The following KCNK13 variants were observed in gnomAD, a reference collection of about 807,000 sequenced individuals.
The protein encoded by KCNK13 is potassium two pore domain channel subfamily K member 13.
KCNK13 carries 12 observed loss-of-function variants against 23.4 expected under a neutral mutation model. The observed-to-expected ratio is 0.51, with a 90% confidence interval of 0.33 to 0.83. The LOEUF (loss-of-function observed/expected upper bound fraction) is 0.83. Among genes scored for constraint, KCNK13 ranks in the 40% least tolerant of loss-of-function variants. The pLI is 0.02. For missense variants in KCNK13, 463 were observed against 556.3 expected (o/e 0.83, Z 1.69); for synonymous variants, 231 against 229.5 (o/e 1.01, Z -0.06).
intron 1 of KCNK13, among the ~76,000 whole-genome samples, chr14:90,134,106 T>C (rs1450073365): frequency 6.6e-6 from 1 of 152,158 alleles, no homozygotes; most frequent in African/African-American, 2.4e-5. Context: ...TGGTCCCAGT[T>C]ACTCGGGAGG....
intron 1 of KCNK13, among the ~76,000 whole-genome samples, chr14:90,156,604 A>G (rs1890198080): frequency 1.3e-5 from 2 of 152,162 alleles, no homozygotes; most frequent in African/African-American, 4.8e-5. Context: ...AGGGACTGAA[A>G]TATTCAAGGA....
intron 1 of KCNK13, among the ~76,000 whole-genome samples, chr14:90,146,550 A>C (rs547575726): frequency 2.2e-4 from 34 of 152,240 alleles, no homozygotes; most frequent in Middle Eastern, 6.8e-3. Flanking sequence ...TCCTGACCCC[A>C]GGTGATCCAC....
chr14:90,067,044 G>A (rs1226223237), intron 1 of KCNK13, among the ~76,000 whole-genome samples: 1 of 152,260 alleles, frequency 6.6e-6, no homozygotes, highest in African/African-American at 2.4e-5. Context: ...GCCAAGGCAG[G>A]TGGATCACGA....
intron 1 of KCNK13, among the ~76,000 whole-genome samples, chr14:90,150,242 TAGTTA>T (rs1239178200): frequency 1.3e-5 from 2 of 152,146 alleles, no homozygotes; most frequent in East Asian, 1.9e-4. Flanking sequence ...TTGGGGATGA[TAGTTA>T]AGTACGGCTG....
At chr14:90,178,231 C>CAAAAAAAAAAAAAAAAAAAAAAAAGA (rs1890444968) in intron 1 of KCNK13, among the ~76,000 whole-genome samples, 1 of 75,072 alleles carries the variant, frequency 1.3e-5, no homozygotes, top group South Asian at 6.0e-4. Flanking sequence ...TTCCTAAAAG[C>CAAAAAAAAAAAAAAAAAAAAAAAAGA]AAAAAAAAAA....
In KCNK13 at chr14:90,085,073, G is replaced by C. The variant is rs1431904745; in HGVS notation, c.334+22534G>C. Among the ~76,000 whole-genome samples, 5 of 152,080 alleles carry C rather than the reference G, an allele frequency of 3.3e-5. No homozygotes were observed. The East Asian group carries it at 9.7e-4, about 30-fold the overall frequency. ...TTCTTGTGCCTCAGCTTCTGGAGTA[G>C]CTGAGATTACAGGCGTGTGCCACGA... On this transcript the variant is annotated intron_variant, in intron 1 of 1. Coordinates refer to ENST00000282146, the MANE Select transcript of KCNK13 (RefSeq NM_022054.4).
intron 1 of KCNK13, among the ~76,000 whole-genome samples, chr14:90,164,314 A>G (rs113730929): frequency 0.018 from 2,806 of 152,324 alleles, 55 homozygotes; most frequent in Middle Eastern, 0.027. Context: ...TAAAATTAAC[A>G]TTTTTAAGGA....
chr14:90,184,887 G>A lies in KCNK13; in HGVS notation c.1111G>A (p.Ala371Thr). 1 of 1,613,786 alleles carries A rather than the reference G, an allele frequency of 6.2e-7. No individual in the cohort carries two copies. Among genetic ancestry groups the A allele is most frequent in the South Asian group, 1.1e-5 (1 of 91,080 alleles). The part of the protein sequence containing the change: ...AILQKQLSEM[A>T]NGCPHQTSTL... ...CCTGCAGAAGCAACTGTCTGAGATG[G>A]CCAACGGCTGCCCCCACCAGACCAG... The change falls in exon 2 of 2, where the codon GCC (alanine) becomes ACC (threonine). Residue 371 changes from alanine to threonine, a missense_variant. By Grantham distance (58) the Ala-to-Thr change is moderately conservative. Transcript: ENST00000282146. This position sits in a 1 kb window ranked among gnomAD's most constrained non-coding sequence, Gnocchi z 5.6.
chr14:90,145,560 T>C (rs3914474), intron 1 of KCNK13, among the ~76,000 whole-genome samples: 43,442 of 152,132 alleles, frequency 0.29, 6,859 homozygotes, highest in Non-Finnish European at 0.37. Flanking sequence ...TTGTCTTTTT[T>C]TTCTTTATGT....
rs1381163408 is a variant in KCNK13, at chr14:90,184,412, C to T, written c.636C>T (p.Ala212=). ...CTASILISCC[A]SAMYTPIEGW... Reference sequence around the variant, plus strand: ...CCTCCATCCTCATCTCTTGCTGCGCCTCAGCCATGTACACCCCCATTGAAG... The same window carrying T: ...CCTCCATCCTCATCTCTTGCTGCGCTTCAGCCATGTACACCCCCATTGAAG... The change falls in exon 2 of 2, where the codon GCC becomes GCT. Residue 212 remains alanine, a synonymous_variant. Transcript: ENST00000282146. This position sits in a 1 kb window ranked among gnomAD's most constrained non-coding sequence, Gnocchi z 5.6. 6.2e-7 allele frequency: 1 copy of T among 1,614,270 alleles called. No homozygotes were observed. Among genetic ancestry groups the T allele is most frequent in the East Asian group, 2.2e-5 (1 of 44,878 alleles).
chr14:90,174,401 C>T (rs1777134108), intron 1 of KCNK13, among the ~76,000 whole-genome samples: 2 of 152,136 alleles, frequency 1.3e-5, no homozygotes, highest in South Asian at 2.1e-4. Flanking sequence ...GGAAACTGCC[C>T]CCATGATCCA....
intron 1 of KCNK13, among the ~76,000 whole-genome samples, chr14:90,064,865 C>T (rs1888990036): frequency 6.6e-6 from 1 of 152,134 alleles, no homozygotes; most frequent in Admixed American, 6.5e-5. Context: ...CCGTATTAGG[C>T]ACATACTGTA....
intron 1 of KCNK13, among the ~76,000 whole-genome samples, chr14:90,088,820 T>C (rs11624862): frequency 0.14 from 21,685 of 152,136 alleles, 1,880 homozygotes; most frequent in South Asian, 0.25. Context: ...GTCTTTCCTG[T>C]GCTATTCTCA....
chr14:90,139,080 T>A (rs140585927), intron 1 of KCNK13, among the ~76,000 whole-genome samples: 1,559 of 152,280 alleles, frequency 0.01, 13 homozygotes, highest in Middle Eastern at 0.02. Flanking sequence ...ATGGGACCAG[T>A]GTGGTTCAGA....
intron 1 of KCNK13, among the ~76,000 whole-genome samples, chr14:90,132,818 G>A (rs1385099182): frequency 6.6e-6 from 1 of 152,130 alleles, no homozygotes; most frequent in East Asian, 1.9e-4. Flanking sequence ...TTGTACCTCA[G>A]TTCACTGTTT....
At chr14:90,179,085 A>T (rs1442419098) in intron 1 of KCNK13, among the ~76,000 whole-genome samples, 1 of 152,116 alleles carries the variant, frequency 6.6e-6, no homozygotes, top group African/African-American at 2.4e-5. Context: ...GTAATGGCAC[A>T]GTGGTTATGT....
At chr14:90,096,556 C>T (rs1046073447) in intron 1 of KCNK13, among the ~76,000 whole-genome samples, 6 of 152,068 alleles carry the variant, frequency 3.9e-5, no homozygotes, top group Non-Finnish European at 7.4e-5. Context: ...TATATATGAC[C>T]GTGTTTTCTG....
chr14:90,158,467 G>A (rs1396560500), intron 1 of KCNK13, among the ~76,000 whole-genome samples: 6 of 152,362 alleles, frequency 3.9e-5, no homozygotes, highest in South Asian at 2.1e-4. Context: ...ACCTGTAACC[G>A]TGGCCACCTC....
intron 1 of KCNK13, among the ~76,000 whole-genome samples, chr14:90,108,817 G>C (rs1217101128): frequency 6.6e-6 from 1 of 152,156 alleles, no homozygotes; most frequent in East Asian, 1.9e-4. Context: ...GTAAAACATT[G>C]AGAAAACTTA....
Sources: allele counts gnomAD v4.1 joint callset (sites outside exome capture counted in the v4.1 genomes callset), GRCh38; gene constraint gnomAD v4.1.1; non-coding constraint Gnocchi (gnomAD v3.1); transcripts MANE v1.5; gene names NCBI Gene and HGNC (gene_info 2026-07-23, HGNC 2026-07-21).